Variants in CDKL4 observed in about 807,000 individuals in gnomAD.
The protein encoded by CDKL4 is cyclin dependent kinase like 4, also known as cyclin-dependent kinase-like 4.
Under a neutral mutation model 42.0 loss-of-function variants are expected in CDKL4, and 44 were observed. The ratio of observed to expected loss-of-function variants is 1.05; its 90% CI spans 0.82 to 1.35. The LOEUF is 1.35. Among genes scored for constraint, CDKL4 ranks in the 40% most tolerant of loss-of-function variants. The pLI is 0.00. For missense variants in CDKL4, 393 were observed against 369.9 expected, an observed-to-expected ratio of 1.06 and a Z score of -0.51; for synonymous variants, 120 against 121.6, an observed-to-expected ratio of 0.99 and a Z score of 0.09.
chr2:39,224,182 G>T (rs1678552494), intron 3 of CDKL4, among the ~76,000 whole-genome samples: 1 of 151,944 alleles, frequency 6.6e-6, no homozygotes, highest in Admixed American at 6.6e-5. Flanking sequence ...GTACTTTTTT[G>T]TCAAAGGGAG....
intron 3 of CDKL4, among the ~76,000 whole-genome samples, chr2:39,215,685 G>A (rs1677874019): frequency 6.6e-6 from 1 of 152,170 alleles, no homozygotes; most frequent in South Asian, 2.1e-4. Flanking sequence ...GAAGGCCTAG[G>A]CATGACTCAG....
chr2:39,221,120 T>C (rs1028596121), intron 3 of CDKL4, among the ~76,000 whole-genome samples: 1 of 148,602 alleles, frequency 6.7e-6, no homozygotes, highest in Non-Finnish European at 1.5e-5. Flanking sequence ...TTCACACCAT[T>C]CTCCTGCCTC....
chr2:39,229,353 A>C lies in CDKL4; in HGVS notation c.168+12T>G, dbSNP rs1678954639. The C allele has an allele frequency of 6.5e-7, 1 of 1,537,866 alleles. No homozygotes were observed. Among genetic ancestry groups the C allele is most frequent in the African/African-American group, 1.4e-5 (1 of 71,922 alleles). ...TTCCATGATATTTTACATATATATAAAGTTAACTTACCTTCAACATACGTA... is the reference window on the plus strand; with the variant it reads ...TTCCATGATATTTTACATATATATACAGTTAACTTACCTTCAACATACGTA... On this transcript the variant is annotated intron_variant, in intron 2 of 9. Transcript: ENST00000451199.
intron 9 of CDKL4, among the ~76,000 whole-genome samples, chr2:39,176,459 C>A (rs536679893): frequency 6.6e-6 from 1 of 152,256 alleles, no homozygotes; most frequent in East Asian, 1.9e-4. Context: ...CCATTTCACT[C>A]TGTTTCAGCC....
intron 3 of CDKL4, among the ~76,000 whole-genome samples, chr2:39,225,221 G>A (rs1013360283): frequency 2.6e-5 from 4 of 152,052 alleles, no homozygotes; most frequent in African/African-American, 7.2e-5. Context: ...CCAAGATGGT[G>A]AAACCCCGTC....
intron 1 of CDKL4, among the ~76,000 whole-genome samples, chr2:39,241,263 G>A (rs1679646001): frequency 6.6e-6 from 1 of 152,090 alleles, no homozygotes; most frequent in Non-Finnish European, 1.5e-5. Context: ...ATATGCATGT[G>A]TTATATACAC....
chr2:39,229,431 T>A (rs1239814572), exon 2 of CDKL4: 1 of 1,612,928 alleles, frequency 6.2e-7, no homozygotes, highest in Non-Finnish European at 8.5e-7. Flanking sequence ...ATTCCACAAA[T>A]TTTTTAACAG....
intron 1 of CDKL4, among the ~76,000 whole-genome samples, chr2:39,242,121 C>T (rs922815505): frequency 7.9e-5 from 12 of 151,806 alleles, no homozygotes; most frequent in African/African-American, 2.9e-4. Context: ...TCAGGGCTCA[C>T]TGCAGCCTGT....
chr2:39,199,709 C>T (rs1410164696), intron 5 of CDKL4, among the ~76,000 whole-genome samples: 1 of 152,008 alleles, frequency 6.6e-6, no homozygotes, highest in Non-Finnish European at 1.5e-5. Flanking sequence ...ATGCGATACA[C>T]CACATAAACA....
chr2:39,193,375 A>C (rs186594398), intron 5 of CDKL4, among the ~76,000 whole-genome samples: 53 of 149,450 alleles, frequency 3.5e-4, no homozygotes, highest in Admixed American at 8.0e-4. Flanking sequence ...TATTATTATT[A>C]TTATTATTAT....
exon 2 of CDKL4, chr2:39,229,444 A>G: frequency 6.2e-7 from 1 of 1,613,454 alleles, no homozygotes; most frequent in South Asian, 1.1e-5. Context: ...TTTAACAGCT[A>G]CTACTTGTCC....
chr2:39,235,791 C>T (rs1679337391), intron 1 of CDKL4, among the ~76,000 whole-genome samples: 1 of 151,738 alleles, frequency 6.6e-6, no homozygotes, highest in Admixed American at 6.6e-5. Flanking sequence ...AACAAACACC[C>T]CACAATTGCT....
At chr2:39,174,406 A>AT (rs1462597716), downstream of CDKL4, among the ~76,000 whole-genome samples, 2 of 151,558 alleles carry the variant, frequency 1.3e-5, no homozygotes, top group Non-Finnish European at 2.9e-5. Context: ...TCTCAAAAAA[A>AT]AAAAAACCCT....
At chr2:39,190,991 T>C (rs1676147693) in intron 5 of CDKL4, among the ~76,000 whole-genome samples, 1 of 152,210 alleles carries the variant, frequency 6.6e-6, no homozygotes, top group African/African-American at 2.4e-5. Context: ...ATCCAATGAC[T>C]TGAATCCTTA....
chr2:39,223,594 T>G, intron 3 of CDKL4, among the ~76,000 whole-genome samples: 1 of 143,780 alleles, frequency 7.0e-6, no homozygotes, highest in East Asian at 2.0e-4. Context: ...TTTTTTTTTT[T>G]TTGAAGACTT....
chr2:39,214,350 C>G (rs1384239637), intron 3 of CDKL4, among the ~76,000 whole-genome samples: 1 of 152,150 alleles, frequency 6.6e-6, no homozygotes, highest in Non-Finnish European at 1.5e-5. Flanking sequence ...TCTTCAATTT[C>G]ACCCCTGACC....
At chr2:39,191,796 G>A (rs1447130779) in intron 5 of CDKL4, among the ~76,000 whole-genome samples, 3 of 152,160 alleles carry the variant, frequency 2.0e-5, no homozygotes, top group Admixed American at 2.0e-4. Flanking sequence ...CCAAGTGGGT[G>A]GAAGCCAATC....
intron 8 of CDKL4, among the ~76,000 whole-genome samples, chr2:39,181,748 A>C (rs902974413): frequency 6.6e-6 from 1 of 152,154 alleles, no homozygotes; most frequent in Non-Finnish European, 1.5e-5. Context: ...TGGAGGTAGA[A>C]ATTGGAGTTA....
intron 1 of CDKL4, among the ~76,000 whole-genome samples, chr2:39,243,113 C>CAAAAAAA (rs57132937): frequency 1.6e-4 from 6 of 38,442 alleles, no homozygotes; most frequent in Non-Finnish European, 2.4e-4. Context: ...GACCCTGTCT[C>CAAAAAAA]AAAAAAAAAA....
Sources: allele counts gnomAD v4.1 joint callset (sites outside exome capture counted in the v4.1 genomes callset), GRCh38; gene constraint gnomAD v4.1.1; transcripts MANE v1.5; gene names NCBI Gene and HGNC (gene_info 2026-07-23, HGNC 2026-07-21).